Variants in KLF16 observed in about 807,000 individuals in gnomAD.
KLF16 encodes Krueppel-like factor 16.
Under a neutral mutation model 6.1 loss-of-function variants are expected in KLF16, and 6 were observed. The observed-to-expected ratio is 0.98, with a 90% CI of 0.54 to 1.93. KLF16 has a LOEUF of 1.93. Ranked by LOEUF, KLF16 falls within the 30% of genes most tolerant of loss-of-function variation. The probability of loss-of-function intolerance (pLI) is 0.01; values close to 1 mark genes in which losing one functional copy is unlikely to be tolerated. For missense variants in KLF16, 355 were observed against 363.8 expected (o/e 0.98, Z 0.20); for synonymous variants, 211 against 176.5 (o/e 1.20, Z -1.55).
At position 1,854,280 on chromosome 19, in the gene KLF16, C is replaced by T; in HGVS notation, c.*179G>A. 1.5e-6 allele frequency: 1 copy of T among 657,958 alleles called. No individual in the cohort carries two copies. Among genetic ancestry groups the T allele is most frequent in the Non-Finnish European group, 2.3e-6 (1 of 440,302 alleles). 40.8% of individuals were successfully genotyped at this position (657,958 alleles called of 1,614,324 possible). The stretch of plus-strand genomic sequence containing the variant: ...CCCCCGTCACCCATCCTGAGAGCCA[C>T]CTCTGAGGTCAGGCAGACCCAGGTC... On this transcript the variant is annotated 3_prime_UTR_variant, in exon 2 of 2. Transcript: ENST00000250916.
chr19:1,861,239 T>G (rs1356165353), intron 1 of KLF16, among the ~76,000 whole-genome samples: 1 of 152,138 alleles, frequency 6.6e-6, no homozygotes, highest in African/African-American at 2.4e-5. Context: ...TCCCGTCCAC[T>G]TAACCCAGAA....
At chr19:1,863,892 C>T (rs541570338), upstream of KLF16, among the ~76,000 whole-genome samples, 354 of 148,802 alleles carry the variant, frequency 2.4e-3, 9 homozygotes, top group East Asian at 0.055. Context: ...GCCTTCTCCG[C>T]GCTAGGGTGC....
At chr19:1,856,357 T>C (rs2011949576) in intron 1 of KLF16, among the ~76,000 whole-genome samples, 1 of 152,004 alleles carries the variant, frequency 6.6e-6, no homozygotes, top group African/African-American at 2.4e-5. Context: ...AGAAAAAACC[T>C]TCCCTTCTCA....
At chr19:1,866,243 G>A (rs2012186574), upstream of KLF16, among the ~76,000 whole-genome samples, 3 of 151,942 alleles carry the variant, frequency 2.0e-5, no homozygotes, top group South Asian at 6.2e-4. Flanking sequence ...GGGAGGTGGA[G>A]GTTGCAGTGA....
At chr19:1,864,045 G>A (rs1357787713), upstream of KLF16, among the ~76,000 whole-genome samples, 1 of 143,090 alleles carries the variant, frequency 7.0e-6, no homozygotes, top group Non-Finnish European at 1.5e-5. Context: ...TTCCGAGAGC[G>A]CGCCCCGCCC....
At chr19:1,864,657 T>C (rs2012155147), upstream of KLF16, among the ~76,000 whole-genome samples, 1 of 152,022 alleles carries the variant, frequency 6.6e-6, no homozygotes, top group African/African-American at 2.4e-5. Flanking sequence ...GGGGCTTCTC[T>C]TTCCATTCCC....
rs1379283197 is a variant in KLF16, at chr19:1,863,312, G to A, written c.186C>T (p.Pro62=). Reference sequence around the variant, plus strand: ...CGGGGCCCGGGCCAGAAGCGGCGGGGGGCGGCGGGGGTGGCCCCGGGGTCC... The same window carrying A: ...CGGGGCCCGGGCCAGAAGCGGCGGGAGGCGGCGGGGGTGGCCCCGGGGTCC... ...SPGTPGPPPP[P]PAASGPGPGA... is the part of the protein sequence containing the mutation. The change falls in exon 1 of 2, where the codon CCC becomes CCT. Residue 62 remains proline (P), a synonymous_variant. Coordinates refer to ENST00000250916, the MANE Select transcript of KLF16 (RefSeq NM_031918.4). 1.0e-6 allele frequency: 1 copy of A among 981,354 alleles called. No homozygotes were observed. Among genetic ancestry groups the A allele is most frequent in the Non-Finnish European group, 1.2e-6 (1 of 828,938 alleles). The allele number at this position is 981,354 out of a possible 1,614,324, so 60.8% of individuals were successfully genotyped here.
chr19:1,859,938 C>T (rs1350443434), intron 1 of KLF16, among the ~76,000 whole-genome samples: 1 of 152,054 alleles, frequency 6.6e-6, no homozygotes, highest in Non-Finnish European at 1.5e-5. Flanking sequence ...TAACCCCCTG[C>T]AGTGCCCAGG....
intron 1 of KLF16, chr19:1,861,985 T>C (rs2145369135): frequency 6.6e-6 from 1 of 152,310 alleles, no homozygotes. Flanking sequence ...AGAGGCAGCA[T>C]CGCACTCTTG....
At chr19:1,860,644 G>C (rs1048395267) in intron 1 of KLF16, among the ~76,000 whole-genome samples, 2 of 152,190 alleles carry the variant, frequency 1.3e-5, no homozygotes, top group South Asian at 2.1e-4. Flanking sequence ...ACTCCATTCA[G>C]GGACAGCCCT....
At chr19:1,864,538 G>C (rs560550023), upstream of KLF16, among the ~76,000 whole-genome samples, 7 of 152,178 alleles carry the variant, frequency 4.6e-5, no homozygotes, top group South Asian at 1.2e-3. Flanking sequence ...GGGTCCCAGA[G>C]GGTCGGGATA....
intron 1 of KLF16, among the ~76,000 whole-genome samples, chr19:1,856,969 G>T: frequency 7.1e-6 from 1 of 141,122 alleles, no homozygotes; most frequent in Non-Finnish European, 1.5e-5. Context: ...GGGGGCGACC[G>T]GGGCAGGGGC....
At chr19:1,859,649 T>G (rs2012023139) in intron 1 of KLF16, among the ~76,000 whole-genome samples, 1 of 152,064 alleles carries the variant, frequency 6.6e-6, no homozygotes, top group Non-Finnish European at 1.5e-5. Context: ...GGCCTCAGGC[T>G]GCCTCCTCCA....
At chr19:1,873,573 G>A in the KLF16 span, among the ~76,000 whole-genome samples, 13 of 152,366 alleles carry the variant, frequency 8.5e-5, no homozygotes, top group Admixed American at 6.5e-4. Context: ...TCAGCCCCCA[G>A]GCGCCCTACC....
intron 1 of KLF16, among the ~76,000 whole-genome samples, chr19:1,860,723 T>C (rs1599194872): frequency 6.6e-6 from 1 of 152,082 alleles, no homozygotes; most frequent in African/African-American, 2.4e-5. Flanking sequence ...ACGGCAGCCA[T>C]TCCCTCCCTC....
At chr19:1,868,834 G>T in the KLF16 span, among the ~76,000 whole-genome samples, 5 of 152,030 alleles carry the variant, frequency 3.3e-5, no homozygotes, top group South Asian at 6.2e-4. Context: ...CTAGAAACAG[G>T]GTTTCATCAT....
upstream of KLF16, among the ~76,000 whole-genome samples, chr19:1,863,957 T>G (rs1264709682): frequency 1.6e-4 from 18 of 113,418 alleles, no homozygotes; most frequent in South Asian, 3.4e-4. Context: ...CGCGCCCCCG[T>G]ACCCTTTCCC....
upstream of KLF16, among the ~76,000 whole-genome samples, chr19:1,867,728 T>G (rs1162887028): frequency 6.6e-6 from 1 of 150,958 alleles, no homozygotes; most frequent in Non-Finnish European, 1.5e-5. Context: ...TAGCCAGGTG[T>G]GGTGGGGGGC....
chr19:1,873,585 G>A, the KLF16 span, among the ~76,000 whole-genome samples: 14 of 152,246 alleles, frequency 9.2e-5, no homozygotes, highest in South Asian at 2.1e-4. Context: ...CGCCCTACCC[G>A]GGAGAACGCT....
Sources: allele counts gnomAD v4.1 joint callset (sites outside exome capture counted in the v4.1 genomes callset), GRCh38; gene constraint gnomAD v4.1.1; transcripts MANE v1.5; gene names NCBI Gene and HGNC (gene_info 2026-07-23, HGNC 2026-07-21).